Variants in TESK2 observed in about 807,000 individuals in gnomAD.
TESK2 encodes testis associated actin remodelling kinase 2, also known as dual specificity testis-specific protein kinase 2.
TESK2 carries 39 observed loss-of-function variants against 57.1 expected under a neutral mutation model. The ratio of observed to expected loss-of-function variants is 0.68; its 90% CI spans 0.53 to 0.89. The LOEUF (loss-of-function observed/expected upper bound fraction) is 0.89, where lower values mean the gene tolerates loss of function less well. Among genes scored for constraint, TESK2 ranks in the 40% least tolerant of loss-of-function variants. The pLI, the probability that TESK2 is intolerant of heterozygous loss-of-function variation, is 0.00. For synonymous variants in TESK2, 249 were observed against 267.9 expected, an observed-to-expected ratio of 0.93 and a Z score of 0.69; for missense variants, 646 against 732.1, an observed-to-expected ratio of 0.88 and a Z score of 1.36.
At chr1:45,466,848 A>T (rs906072633) in intron 1 of TESK2, among the ~76,000 whole-genome samples, 5 of 151,784 alleles carry the variant, frequency 3.3e-5, no homozygotes, top group Non-Finnish European at 7.4e-5. Flanking sequence ...GAAAATAAAA[A>T]CAGTGCCTAC....
At chr1:45,455,614 G>C (rs1029921338) in intron 2 of TESK2, among the ~76,000 whole-genome samples, 2 of 152,120 alleles carry the variant, frequency 1.3e-5, no homozygotes, top group African/African-American at 4.8e-5. Context: ...GTGAGTTAAC[G>C]TTTCATGGGT....
intron 3 of TESK2, among the ~76,000 whole-genome samples, chr1:45,394,692 T>TC (rs1649286955): frequency 1.4e-5 from 2 of 138,878 alleles, no homozygotes; most frequent in Admixed American, 1.4e-4. Flanking sequence ...TTTTTTTTTT[T>TC]TTTTTTTTTT....
At chr1:45,457,472 G>A in intron 2 of TESK2, 92 bp downstream of exon 2, 1 of 1,199,124 alleles carries the variant, frequency 8.3e-7, no homozygotes, top group Non-Finnish European at 1.2e-6. Context: ...CCTTTATTAG[G>A]CAAATCCTAC....
chr1:45,370,437 G>C (rs1200498640), intron 4 of TESK2, among the ~76,000 whole-genome samples: 1 of 152,216 alleles, frequency 6.6e-6, no homozygotes, highest in Non-Finnish European at 1.5e-5. Context: ...CAGGCACTGT[G>C]CTAGGAACCA....
Position 45,345,378 on chromosome 1 carries a change from G to A in TESK2, c.1178C>T (p.Ala393Val). ...AGGGTTGACTTTGGGGGTGCGGGCA[G>A]CACCATCTCGTGGCCGGTAGTATGG... Reference protein sequence around the residue: ...LDPYYRPRDGAARTPKVNPFS... With the variant: ...LDPYYRPRDGVARTPKVNPFS... The change falls in exon 11 of 11, where the codon GCT becomes GTT. Residue 393 changes from alanine to valine, a missense_variant. Coordinates refer to ENST00000372086, the MANE Select transcript of TESK2 (RefSeq NM_007170.3). The A allele has an allele frequency of 3.7e-6, 6 of 1,614,162 alleles. No individual in the cohort carries two copies. The highest frequency in any genetic ancestry group is 4.2e-6 in the Non-Finnish European group (5 of 1,180,034).
intron 3 of TESK2, among the ~76,000 whole-genome samples, chr1:45,408,247 G>T (rs1194647137): frequency 6.6e-6 from 1 of 152,068 alleles, no homozygotes; most frequent in Non-Finnish European, 1.5e-5. Flanking sequence ...ATGCTTGATT[G>T]GTAGTTCAGC....
intron 2 of TESK2, among the ~76,000 whole-genome samples, chr1:45,443,599 A>T (rs960655195): frequency 1.4e-5 from 2 of 147,526 alleles, no homozygotes; most frequent in Non-Finnish European, 1.5e-5. Flanking sequence ...AAAAAAAGGC[A>T]TACAAATAAA....
At chr1:45,415,444 T>C (rs973563115) in intron 3 of TESK2, 2 of 642,276 alleles carry the variant, frequency 3.1e-6, no homozygotes, top group Non-Finnish European at 5.5e-6. Flanking sequence ...CCATAATCTT[T>C]GTGCTTTCGC....
chr1:45,465,463 AGGAAGGAAG>A (rs1652510473), intron 1 of TESK2, among the ~76,000 whole-genome samples: 1 of 151,364 alleles, frequency 6.6e-6, no homozygotes, highest in African/African-American at 2.4e-5. Context: ...GAAGGAAGGA[AGGAAGGAAG>A]GAAGGAAAAA....
chr1:45,361,838 A>C (rs1009408056), intron 4 of TESK2, among the ~76,000 whole-genome samples: 2 of 152,182 alleles, frequency 1.3e-5, no homozygotes, highest in Non-Finnish European at 2.9e-5. Context: ...TCCATATGAG[A>C]GTAAGAACTT....
chr1:45,363,190 C>G (rs763706430), intron 4 of TESK2, among the ~76,000 whole-genome samples: 23 of 152,146 alleles, frequency 1.5e-4, no homozygotes, highest in Non-Finnish European at 5.9e-5. Context: ...ACTCATTCTC[C>G]CATTTAACAG....
chr1:45,451,245 G>A (rs1324948108), intron 2 of TESK2, among the ~76,000 whole-genome samples: 1 of 152,256 alleles, frequency 6.6e-6, no homozygotes. Flanking sequence ...AAGAACCCAA[G>A]GCCAAATTAT....
rs144318331 is a variant in TESK2 at position 45,442,013 on chromosome 1, C to G, written c.222+15551G>C. Reference sequence around the variant, plus strand: ...TTGCAATGGTGCTATCTCGGCTCACCGCAACCTCCACCTCCCAGGTTCAAA... The same window carrying G: ...TTGCAATGGTGCTATCTCGGCTCACGGCAACCTCCACCTCCCAGGTTCAAA... On this transcript the variant is annotated intron_variant, in intron 2 of 10. Coordinates refer to ENST00000372086, the MANE Select transcript of TESK2 (RefSeq NM_007170.3). Among the ~76,000 whole-genome samples, 85 of 152,132 alleles carry G rather than the reference C, an allele frequency of 5.6e-4. No individual in the cohort carries two copies. The East Asian group carries it at 0.013, about 23-fold the overall frequency.
chr1:45,479,539 C>A (rs923627285), intron 1 of TESK2, among the ~76,000 whole-genome samples: 1 of 151,808 alleles, frequency 6.6e-6, no homozygotes, highest in Admixed American at 6.6e-5. Context: ...TCAAGCAATT[C>A]TCCTGCCTTA....
chr1:45,444,599 T>C (rs1651577745), intron 2 of TESK2, among the ~76,000 whole-genome samples: 1 of 152,144 alleles, frequency 6.6e-6, no homozygotes, highest in Non-Finnish European at 1.5e-5. Flanking sequence ...TAGGTTCACA[T>C]CCAGAATCTA....
intron 3 of TESK2, among the ~76,000 whole-genome samples, chr1:45,406,990 T>C (rs781226): frequency 0.65 from 98,847 of 152,066 alleles, 33,811 homozygotes; most frequent in Non-Finnish European, 0.76. Context: ...GGATTTAGCA[T>C]TCTTAAATAT....
At chr1:45,444,678 C>T (rs1163811705) in intron 2 of TESK2, among the ~76,000 whole-genome samples, 2 of 152,186 alleles carry the variant, frequency 1.3e-5, no homozygotes, top group Non-Finnish European at 2.9e-5. Flanking sequence ...AATAAAATAA[C>T]TCCCAGGGAA....
chr1:45,489,397 C>T (rs192709635), intron 1 of TESK2, among the ~76,000 whole-genome samples: 1 of 152,296 alleles, frequency 6.6e-6, no homozygotes, highest in East Asian at 1.9e-4. Flanking sequence ...AAATATCCCC[C>T]ATATATTCTC....
intron 2 of TESK2, among the ~76,000 whole-genome samples, chr1:45,431,453 C>T (rs1444640360): frequency 6.6e-6 from 1 of 152,018 alleles, no homozygotes; most frequent in Admixed American, 6.6e-5. Context: ...GAAATTGCTG[C>T]ATGGAATTTC....
Sources: allele counts gnomAD v4.1 joint callset (sites outside exome capture counted in the v4.1 genomes callset), GRCh38; gene constraint gnomAD v4.1.1; transcripts MANE v1.5; gene names NCBI Gene and HGNC (gene_info 2026-07-23, HGNC 2026-07-21).